The following GALNT13 variants were observed in gnomAD, a reference collection of about 807,000 sequenced individuals.
GALNT13 encodes the protein UDP-GalNAc:polypeptide N-acetylgalactosaminyltransferase 13.
A neutral mutation model predicts 64.2 loss-of-function variants in GALNT13; 28 were observed. That is an observed-to-expected ratio of 0.44 (90% CI 0.32 to 0.60). The LOEUF is 0.60. Ranked by LOEUF, GALNT13 falls within the 20% of genes least tolerant of loss-of-function variation. GALNT13 has a pLI of 0.05. For synonymous variants in GALNT13, 214 were observed against 224.6 expected, an observed-to-expected ratio of 0.95 and a Z score of 0.42; for missense variants, 577 against 669.8, an observed-to-expected ratio of 0.86 and a Z score of 1.53.
chr2:153,356,276 G>A, the GALNT13 span, among the ~76,000 whole-genome samples: 46,300 of 152,060 alleles, frequency 0.3, 7,571 homozygotes, highest in Non-Finnish European at 0.38. Context: ...ATGTAGTAAC[G>A]CTGAGAGTAA....
the GALNT13 span, among the ~76,000 whole-genome samples, chr2:153,502,564 CTT>C: frequency 6.6e-6 from 1 of 152,200 alleles, no homozygotes; most frequent in Non-Finnish European, 1.5e-5. Flanking sequence ...GTGCAAGTCT[CTT>C]TTGTGTATAA....
chr2:154,111,971 A>G (rs1039266099), intron 3 of GALNT13, among the ~76,000 whole-genome samples: 20 of 152,174 alleles, frequency 1.3e-4, no homozygotes, highest in Non-Finnish European at 2.6e-4. Flanking sequence ...GCTGTGTGGA[A>G]TACCATGATG....
chr2:153,535,299 T>C, the GALNT13 span, among the ~76,000 whole-genome samples: 1 of 152,150 alleles, frequency 6.6e-6, no homozygotes, highest in African/African-American at 2.4e-5. Flanking sequence ...TCAGGATATC[T>C]GATTAGAGAG....
chr2:153,449,233 C>T, the GALNT13 span, among the ~76,000 whole-genome samples: 1 of 152,108 alleles, frequency 6.6e-6, no homozygotes, highest in African/African-American at 2.4e-5. Context: ...TTTTAAGTTA[C>T]CCAGTCTATG....
chr2:153,920,349 C>T (rs1208836816), intron 2 of GALNT13, among the ~76,000 whole-genome samples: 2 of 152,154 alleles, frequency 1.3e-5, no homozygotes, highest in East Asian at 3.9e-4. Context: ...ACCATCTGAT[C>T]TTCCACAAAG....
At chr2:154,429,286 A>G (rs1700607677) in intron 11 of GALNT13, among the ~76,000 whole-genome samples, 1 of 152,226 alleles carries the variant, frequency 6.6e-6, no homozygotes, top group African/African-American at 2.4e-5. Context: ...AGCTGGAAAA[A>G]TAGTGAAGGG....
At chr2:153,646,094 A>G in the GALNT13 span, among the ~76,000 whole-genome samples, 1 of 152,032 alleles carries the variant, frequency 6.6e-6, no homozygotes, top group African/African-American at 2.4e-5. Context: ...ATTTTTGGAT[A>G]TTATAGTAAA....
intron 3 of GALNT13, among the ~76,000 whole-genome samples, chr2:154,055,942 G>T (rs1235379540): frequency 6.6e-6 from 1 of 152,050 alleles, no homozygotes; most frequent in Non-Finnish European, 1.5e-5. Flanking sequence ...AGAAAAGGAG[G>T]TTAAATGACA....
At chr2:154,081,394 C>T (rs1281208776) in intron 3 of GALNT13, among the ~76,000 whole-genome samples, 2 of 151,584 alleles carry the variant, frequency 1.3e-5, no homozygotes, top group African/African-American at 4.8e-5. Flanking sequence ...CTTGTAATAA[C>T]TTGCATCACT....
chr2:153,564,607 T>C, the GALNT13 span, among the ~76,000 whole-genome samples: 2 of 151,956 alleles, frequency 1.3e-5, no homozygotes, highest in Non-Finnish European at 2.9e-5. Context: ...TTTTTTTTTT[T>C]TGAGTTAAAA....
At chr2:153,333,271 T>A in the GALNT13 span, among the ~76,000 whole-genome samples, 1 of 152,164 alleles carries the variant, frequency 6.6e-6, no homozygotes, top group Non-Finnish European at 1.5e-5. Flanking sequence ...AGCTCCAGTG[T>A]TTGGGGAAAA....
the GALNT13 span, among the ~76,000 whole-genome samples, chr2:153,496,711 C>A: frequency 9.9e-5 from 15 of 152,066 alleles, no homozygotes; most frequent in Admixed American, 9.8e-4. Context: ...CTTGGCTGGG[C>A]ACAGTGGCTC....
At chr2:154,032,602 A>T (rs1698406724) in intron 3 of GALNT13, among the ~76,000 whole-genome samples, 1 of 151,990 alleles carries the variant, frequency 6.6e-6, no homozygotes, top group African/African-American at 2.4e-5. Context: ...TCCAAAATTG[A>T]TTTAACATTA....
At chr2:153,117,854 G>T in the GALNT13 span, among the ~76,000 whole-genome samples, 2 of 151,994 alleles carry the variant, frequency 1.3e-5, no homozygotes, top group Admixed American at 6.6e-5. Flanking sequence ...AGTTAAGTCC[G>T]AAGAGCTGGA....
At chr2:154,318,952 C>A (rs948661526) in intron 9 of GALNT13, among the ~76,000 whole-genome samples, 4 of 151,954 alleles carry the variant, frequency 2.6e-5, no homozygotes, top group African/African-American at 9.7e-5. Context: ...ATATGATAAT[C>A]ATCCAATGAA....
At chr2:153,300,895 A>G in the GALNT13 span, among the ~76,000 whole-genome samples, 1 of 152,326 alleles carries the variant, frequency 6.6e-6, no homozygotes, top group East Asian at 1.9e-4. Context: ...AATCAATCTT[A>G]TGATAATTCA....
the GALNT13 span, among the ~76,000 whole-genome samples, chr2:153,584,991 C>T: frequency 6.6e-6 from 1 of 152,184 alleles, no homozygotes; most frequent in African/African-American, 2.4e-5. Context: ...CCTGTTGCTA[C>T]AAATTCACAG....
chr2:154,212,269 G>C (rs971069670), intron 4 of GALNT13, among the ~76,000 whole-genome samples: 1 of 151,914 alleles, frequency 6.6e-6, no homozygotes, highest in African/African-American at 2.4e-5. Context: ...TTTTGAGACG[G>C]AGTCTTGCTC....
At chr2:154,326,856 C>A (rs1244559219) in intron 9 of GALNT13, among the ~76,000 whole-genome samples, 2 of 152,108 alleles carry the variant, frequency 1.3e-5, no homozygotes, top group South Asian at 2.1e-4. Flanking sequence ...TCAACTAATT[C>A]TCTGCAGTAA....
Sources: allele counts gnomAD v4.1 joint callset (sites outside exome capture counted in the v4.1 genomes callset), GRCh38; gene constraint gnomAD v4.1.1; transcripts MANE v1.5; gene names NCBI Gene and HGNC (gene_info 2026-07-23, HGNC 2026-07-21).